Variants in AIG1 observed in about 807,000 individuals in gnomAD.
AIG1 encodes the protein androgen induced 1, also known as androgen-induced gene 1 protein.
In AIG1, 23 loss-of-function variants were observed where a neutral mutation model predicts 31.4. That is an observed-to-expected ratio of 0.73 (90% CI 0.53 to 1.04). AIG1 has a LOEUF of 1.04. Among genes scored for constraint, AIG1 ranks in the 50% least tolerant of loss-of-function variants. AIG1 has a pLI of 0.00. For synonymous variants in AIG1, 100 were observed against 110.5 expected (o/e 0.90, Z 0.60); for missense variants, 274 against 295.0 (o/e 0.93, Z 0.52).
rs540933120 is a variant in AIG1 at position 143,340,713 on chromosome 6, C to T, written c.*1037C>T. On this transcript the variant is annotated 3_prime_UTR_variant, in exon 6 of 6. Coordinates refer to ENST00000357847, the MANE Select transcript of AIG1 (RefSeq NM_016108.4). ...TCCTGACCTTGTGATCCACACGCCT[C>T]GGCCTCCCAAAGTGCTGGGATTACA... Among the ~76,000 whole-genome samples, 7 of 152,202 alleles carry T rather than the reference C, an allele frequency of 4.6e-5. No individual in the cohort carries two copies. Among genetic ancestry groups the T allele is most frequent in the South Asian group, 2.1e-4 (1 of 4,820 alleles).
chr6:143,226,983 G>GTTTTTT (rs1793012127), intron 3 of AIG1, among the ~76,000 whole-genome samples: 1 of 111,100 alleles, frequency 9.0e-6, no homozygotes, highest in Non-Finnish European at 1.8e-5. Flanking sequence ...TTGAGTTTTT[G>GTTTTTT]TCTTTTTTTT....
intron 3 of AIG1, among the ~76,000 whole-genome samples, chr6:143,192,551 G>A (rs917770893): frequency 6.6e-6 from 1 of 151,092 alleles, no homozygotes; most frequent in Non-Finnish European, 1.5e-5. Context: ...GTTGCAATGA[G>A]CCAAGATCGT....
At chr6:143,127,084 C>T (rs952629356) in intron 1 of AIG1, among the ~76,000 whole-genome samples, 3 of 152,236 alleles carry the variant, frequency 2.0e-5, no homozygotes, top group Middle Eastern at 3.4e-3. Flanking sequence ...CTATTCCTCT[C>T]TGGATTACAT....
intron 1 of AIG1, among the ~76,000 whole-genome samples, chr6:143,087,195 G>A (rs951628047): frequency 6.6e-6 from 1 of 152,188 alleles, no homozygotes; most frequent in African/African-American, 2.4e-5. Flanking sequence ...ATCCCAGTAC[G>A]GTCTACCAAA....
chr6:143,275,050 C>A (rs1268866116), intron 3 of AIG1, among the ~76,000 whole-genome samples: 1 of 152,154 alleles, frequency 6.6e-6, no homozygotes, highest in South Asian at 2.1e-4. Flanking sequence ...CTTTGTTTAC[C>A]TGTCAAATTG....
At chr6:143,083,338 CAGAT>C (rs1778457511) in intron 1 of AIG1, among the ~76,000 whole-genome samples, 2 of 152,166 alleles carry the variant, frequency 1.3e-5, no homozygotes, top group Admixed American at 1.3e-4. Context: ...CCTGGCCAAA[CAGAT>C]AGGGGCTATC....
At chr6:143,304,749 T>C (rs1357377015) in intron 4 of AIG1, among the ~76,000 whole-genome samples, 1 of 151,760 alleles carries the variant, frequency 6.6e-6, no homozygotes, top group Non-Finnish European at 1.5e-5. Flanking sequence ...ATAAAATGAG[T>C]TAGGGAGGAT....
intron 2 of AIG1, among the ~76,000 whole-genome samples, chr6:143,143,528 A>AAAAATATATATATAT (rs1554249782): frequency 3.6e-5 from 1 of 27,790 alleles, no homozygotes; most frequent in African/African-American, 9.6e-5. Context: ...AAAAAAAAAA[A>AAAAATATATATATAT]ATATATATAT....
chr6:143,234,888 T>C (rs1317530370), intron 3 of AIG1, among the ~76,000 whole-genome samples: 1 of 152,120 alleles, frequency 6.6e-6, no homozygotes, highest in African/African-American at 2.4e-5. Flanking sequence ...CAAACGCTAC[T>C]TGGGAGATGA....
chr6:143,066,829 T>C (rs1281385528), intron 1 of AIG1, among the ~76,000 whole-genome samples: 1 of 152,148 alleles, frequency 6.6e-6, no homozygotes, highest in African/African-American at 2.4e-5. Context: ...TACAGTTCTT[T>C]CCAGGCACTG....
intron 3 of AIG1, among the ~76,000 whole-genome samples, chr6:143,229,741 A>C (rs978513688): frequency 1.1e-4 from 16 of 151,038 alleles, no homozygotes; most frequent in African/African-American, 3.9e-4. Flanking sequence ...ATCCTTTTGT[A>C]ATAATTTCAT....
rs77919378 is a variant in AIG1, at chr6:143,334,845, G to C, written c.679+1400G>C. 0.032 allele frequency among the ~76,000 whole-genome samples: 4,863 copies of C among 152,270 alleles called. 121 individuals are homozygous for C. Among genetic ancestry groups the C allele is most frequent in the South Asian group, 0.061 (295 of 4,806 alleles). Reference sequence around the variant, plus strand: ...TTGATTTGACAGTCATTTGGCCACAGTTCTACTACTTCTATGAGAGGATGA... The same window carrying C: ...TTGATTTGACAGTCATTTGGCCACACTTCTACTACTTCTATGAGAGGATGA... On this transcript the variant is annotated intron_variant, in intron 5 of 5. Transcript: ENST00000357847. The surrounding 1 kb of genome is among the most constrained non-coding windows in gnomAD (Gnocchi z 5.1).
At chr6:143,335,232 T>C (rs1777386019) in intron 5 of AIG1, 6 of 1,009,554 alleles carry the variant, frequency 5.9e-6, no homozygotes, top group African/African-American at 1.7e-5. Flanking sequence ...TGAATCAGTA[T>C]TTTAAAATTG....
intron 4 of AIG1, among the ~76,000 whole-genome samples, chr6:143,285,420 G>C (rs1412944785): frequency 6.6e-6 from 1 of 151,034 alleles, no homozygotes. Context: ...CCAGCACTTT[G>C]GGACGCCCAG....
intron 1 of AIG1, among the ~76,000 whole-genome samples, chr6:143,103,407 G>A (rs1428393989): frequency 1.3e-5 from 2 of 152,056 alleles, no homozygotes; most frequent in Admixed American, 1.3e-4. Flanking sequence ...TTTGCCCTGG[G>A]GAAGTCAATG....
chr6:143,201,994 AC>A (rs1209397578), intron 3 of AIG1, among the ~76,000 whole-genome samples: 1 of 152,140 alleles, frequency 6.6e-6, no homozygotes, highest in Non-Finnish European at 1.5e-5. Context: ...GCCCTAAATA[AC>A]AGATGAGGGA....
intron 3 of AIG1, among the ~76,000 whole-genome samples, chr6:143,252,469 G>C (rs1795077025): frequency 6.6e-6 from 1 of 152,098 alleles, no homozygotes; most frequent in Admixed American, 6.5e-5. Context: ...CAAAATACTG[G>C]GTAATTGAAT....
chr6:143,060,985 C>A lies in AIG1; in HGVS notation c.60C>A (p.Ile20=), dbSNP rs756701802. The A allele has an allele frequency of 6.2e-7, 1 of 1,613,412 alleles. No homozygotes were observed. Among genetic ancestry groups the A allele is most frequent in the Admixed American group, 1.7e-5 (1 of 60,012 alleles). ...RMAILLSYCS[I]LCNYKAIEMP... is the part of the protein sequence containing the mutation. ...CAATCCTGCTGTCTTACTGCTCTATCCTGTGTAACTACAAGGCCATCGAAA... is the reference window on the plus strand; with the variant it reads ...CAATCCTGCTGTCTTACTGCTCTATACTGTGTAACTACAAGGCCATCGAAA... Residue 20 remains isoleucine, a synonymous_variant, in exon 1 of 6, where the codon ATC becomes ATA. Transcript: ENST00000357847.
At chr6:143,068,479 T>A (rs984271425) in intron 1 of AIG1, among the ~76,000 whole-genome samples, 2 of 152,242 alleles carry the variant, frequency 1.3e-5, no homozygotes, top group African/African-American at 2.4e-5. Context: ...CTTGATCAGA[T>A]CCATTGTGGA....
Sources: gnomAD v4.1 joint callset for allele counts (sites outside exome capture counted in the v4.1 genomes callset) on GRCh38, gnomAD v4.1.1 for gene constraint, Gnocchi (gnomAD v3.1) non-coding constraint, MANE v1.5 for transcripts, NCBI Gene and HGNC (gene_info 2026-07-23, HGNC 2026-07-21) for gene names.